SGCD: variants seen among roughly 807,000 people sequenced by gnomAD.
SGCD encodes delta-sarcoglycan.
SGCD carries 18 observed loss-of-function variants against 36.6 expected under a neutral mutation model. That is an observed-to-expected ratio of 0.49 (90% CI 0.34 to 0.73). The LOEUF (loss-of-function observed/expected upper bound fraction) is 0.73. Ranked by LOEUF, SGCD falls within the 30% of genes least tolerant of loss-of-function variation. The pLI is 0.01. For missense variants in SGCD, 387 were observed against 346.7 expected, an observed-to-expected ratio of 1.12 and a Z score of -0.92; for synonymous variants, 133 against 130.6, an observed-to-expected ratio of 1.02 and a Z score of -0.12.
intron 3 of SGCD, among the ~76,000 whole-genome samples, chr5:156,180,742 A>G (rs1419668355): frequency 6.6e-6 from 1 of 152,178 alleles, no homozygotes; most frequent in African/African-American, 2.4e-5. Flanking sequence ...ATTGAGACTT[A>G]AATACTCTCT....
At chr5:156,562,856 A>C (rs571729171) in intron 4 of SGCD, among the ~76,000 whole-genome samples, 4 of 151,292 alleles carry the variant, frequency 2.6e-5, no homozygotes, top group Non-Finnish European at 4.4e-5. Flanking sequence ...ATATACTTAA[A>C]TATAACTTAA....
rs375156023 is a variant in SGCD, at chr5:156,074,221, G to A, written c.-281-43657G>A. Among the ~76,000 whole-genome samples, 60 of 152,300 alleles carry A rather than the reference G, an allele frequency of 3.9e-4. 2 individuals carry two copies. In the South Asian group the frequency reaches 0.012, roughly 31 times the overall value. ...CTCAAATGTAGCTCAAGTACCCAGT[G>A]CAGTATGCACAGAAGGTTCTGTGGT... On this transcript the variant is annotated intron_variant, in intron 1 of 9. Transcript: ENST00000517913.
intron 1 of SGCD, among the ~76,000 whole-genome samples, chr5:155,975,716 G>A (rs1758100814): frequency 2.4e-5 from 3 of 125,086 alleles, no homozygotes; most frequent in South Asian, 2.8e-4. Flanking sequence ...TGCAACCTCC[G>A]CCTCCTGGGT....
chr5:155,729,785 GCCTC>G, the SGCD span, among the ~76,000 whole-genome samples: 1 of 152,162 alleles, frequency 6.6e-6, no homozygotes, highest in East Asian at 1.9e-4. Context: ...GCATCCAAAT[GCCTC>G]CTGTCGGAAA....
At chr5:156,585,044 G>C (rs2431401) in intron 4 of SGCD, among the ~76,000 whole-genome samples, 49,446 of 151,962 alleles carry the variant, frequency 0.33, 9,155 homozygotes, top group African/African-American at 0.51. Context: ...ATCATTGAGA[G>C]AAAACAGCTA....
chr5:155,935,400 T>G (rs1206168430), intron 1 of SGCD, among the ~76,000 whole-genome samples: 1 of 152,196 alleles, frequency 6.6e-6, no homozygotes, highest in Non-Finnish European at 1.5e-5. Context: ...GAGAGGTCAC[T>G]GCCCTCATGG....
chr5:155,906,127 C>T (rs1756506222), intron 1 of SGCD, among the ~76,000 whole-genome samples: 1 of 152,096 alleles, frequency 6.6e-6, no homozygotes, highest in Admixed American at 6.6e-5. Context: ...GATCTGTAAT[C>T]AATGATCTTT....
chr5:156,384,700 G>A (rs1290956817), intron 3 of SGCD, among the ~76,000 whole-genome samples: 4 of 152,134 alleles, frequency 2.6e-5, no homozygotes, highest in Non-Finnish European at 5.9e-5. Context: ...TATTGTCAAT[G>A]GTATCAGATG....
chr5:155,862,899 T>C, the SGCD span, among the ~76,000 whole-genome samples: 11 of 152,340 alleles, frequency 7.2e-5, no homozygotes, highest in African/African-American at 2.4e-4. Flanking sequence ...TAAGGAGCCC[T>C]GAAGGTTTTG....
At chr5:156,243,739 A>C (rs1765362989) in intron 3 of SGCD, among the ~76,000 whole-genome samples, 1 of 152,198 alleles carries the variant, frequency 6.6e-6, no homozygotes, top group Admixed American at 6.5e-5. Context: ...AAAATATAAA[A>C]TAAGTCTGAA....
intron 1 of SGCD, among the ~76,000 whole-genome samples, chr5:156,049,775 C>T (rs1485927879): frequency 6.8e-6 from 1 of 146,304 alleles, no homozygotes; most frequent in Non-Finnish European, 1.5e-5. Flanking sequence ...ATGAGCATGA[C>T]TTGGGAAAAA....
intron 1 of SGCD, among the ~76,000 whole-genome samples, chr5:155,982,943 A>G (rs1007478045): frequency 6.6e-6 from 1 of 152,198 alleles, no homozygotes; most frequent in African/African-American, 2.4e-5. Context: ...AACCCCAGTG[A>G]AGAAAAATAG....
chr5:156,478,533 A>G (rs79173302), intron 3 of SGCD, among the ~76,000 whole-genome samples: 3,119 of 152,248 alleles, frequency 0.02, 35 homozygotes, highest in Non-Finnish European at 0.032. Flanking sequence ...TGGGGGAAAC[A>G]ACAGGCCCTC....
intron 3 of SGCD, among the ~76,000 whole-genome samples, chr5:156,371,491 T>A (rs957213542): frequency 2.0e-5 from 3 of 152,136 alleles, no homozygotes; most frequent in African/African-American, 7.2e-5. Flanking sequence ...TTGGAGACCA[T>A]GTCTAAGTAT....
At chr5:156,370,172 C>T (rs574117054) in intron 3 of SGCD, among the ~76,000 whole-genome samples, 15 of 152,194 alleles carry the variant, frequency 9.9e-5, no homozygotes, top group African/African-American at 2.2e-4. Flanking sequence ...TACTTTATTA[C>T]GCACAGGCTC....
chr5:156,516,920 C>T (rs766763296), intron 4 of SGCD, among the ~76,000 whole-genome samples: 1 of 152,134 alleles, frequency 6.6e-6, no homozygotes, highest in Non-Finnish European at 1.5e-5. Flanking sequence ...ATTGCTTGAA[C>T]CCGGAAGGTG....
intron 3 of SGCD, among the ~76,000 whole-genome samples, chr5:156,448,342 G>A (rs1753836432): frequency 1.3e-5 from 2 of 152,250 alleles, no homozygotes; most frequent in South Asian, 4.1e-4. Context: ...GTCTGCACAA[G>A]GTAAAATGAG....
intron 1 of SGCD, among the ~76,000 whole-genome samples, chr5:156,111,582 T>C (rs978235983): frequency 6.6e-6 from 1 of 152,112 alleles, no homozygotes; most frequent in African/African-American, 2.4e-5. Flanking sequence ...TGGCTCAGTC[T>C]AGGAAGAAGA....
At chr5:156,141,842 A>C (rs962255122) in intron 3 of SGCD, among the ~76,000 whole-genome samples, 1 of 152,204 alleles carries the variant, frequency 6.6e-6, no homozygotes, top group African/African-American at 2.4e-5. Context: ...AGTATACCTC[A>C]TATGCAAGGA....
Sources: allele counts gnomAD v4.1 joint callset (sites outside exome capture counted in the v4.1 genomes callset), GRCh38; gene constraint gnomAD v4.1.1; transcripts MANE v1.5; gene names NCBI Gene and HGNC (gene_info 2026-07-23, HGNC 2026-07-21).